SLC3A2: variants seen among roughly 807,000 people sequenced by gnomAD.
SLC3A2 encodes amino acid transporter heavy chain SLC3A2.
Under a neutral mutation model 48.5 loss-of-function variants are expected in SLC3A2, and 32 were observed. The ratio of observed to expected loss-of-function variants is 0.66; its 90% confidence interval spans 0.50 to 0.89. The LOEUF is 0.89. SLC3A2 is among the 40% of genes least tolerant of loss of function. The probability of loss-of-function intolerance (pLI) is 0.00; values close to 1 mark genes in which losing one functional copy is unlikely to be tolerated. For missense variants in SLC3A2, 587 were observed against 680.7 expected, an observed-to-expected ratio of 0.86 and a Z score of 1.53; for synonymous variants, 277 against 288.8, an observed-to-expected ratio of 0.96 and a Z score of 0.41.
chr11:62,872,319 G>A (rs2085526516), intron 1 of SLC3A2, among the ~76,000 whole-genome samples: 1 of 152,190 alleles, frequency 6.6e-6, no homozygotes, highest in South Asian at 2.1e-4. Flanking sequence ...TTCGAGACCA[G>A]CTTGGACAAC....
Position 62,888,122 on chromosome 11 carries a change from C to T in SLC3A2, c.1144-13C>T, listed in dbSNP as rs770090299. 2 of 1,611,568 alleles carry T rather than the reference C, an allele frequency of 1.2e-6. No individual in the cohort carries two copies. The highest frequency in any genetic ancestry group is 1.7e-6 in the Non-Finnish European group (2 of 1,178,592). On this transcript the variant is annotated splice_polypyrimidine_tract_variant and intron_variant, in intron 7 of 8. Coordinates refer to ENST00000338663, the MANE Select transcript of SLC3A2 (RefSeq NM_001013251.3). ...CCAGGCCTTTTTAAAGTCCTATTTTCTCTGCTTTTCAGCCTATGGAGGCTC... is the reference window on the plus strand; with the variant it reads ...CCAGGCCTTTTTAAAGTCCTATTTTTTCTGCTTTTCAGCCTATGGAGGCTC...
In SLC3A2 at chr11:62,885,054, C is replaced by T. The variant is rs1590636592; in HGVS notation, c.819-123C>T. 35 of 1,048,374 alleles carry T rather than the reference C, an allele frequency of 3.3e-5. No homozygotes were observed. The East Asian group carries it at 8.3e-4, about 25-fold the overall frequency. 64.9% of individuals were successfully genotyped at this position (1,048,374 alleles called of 1,614,324 possible). On this transcript the variant is annotated intron_variant, in intron 5 of 8. Coordinates refer to ENST00000338663, the MANE Select transcript of SLC3A2 (RefSeq NM_001013251.3). ...CCATGTTGGTCAAGCCAGTCTCGAA[C>T]TCCTGACCTCAAGTGATCCACCCGC...
chr11:62,888,277 T>C, intron 8 of SLC3A2, 54 bp from the exon 9 acceptor site: 1 of 1,609,816 alleles, frequency 6.2e-7, no homozygotes. Flanking sequence ...CTTGTAGAAG[T>C]CTGTACCCAG....
Position 62,881,819 on chromosome 11 carries a change from C to G in SLC3A2, c.425-74C>G, listed in dbSNP as rs1226396409. ...CCCCTCCCCGTCCCACCCTTAGGCG[C>G]TGGGAGAAGGGAGGGTGGGGAGGTC... On this transcript the variant is annotated intron_variant, in intron 1 of 8. Coordinates refer to ENST00000338663, the MANE Select transcript of SLC3A2 (RefSeq NM_001013251.3). This position sits in a 1 kb window ranked among gnomAD's most constrained non-coding sequence, Gnocchi z 4.0. The G allele has an allele frequency of 2.0e-6, 3 of 1,538,164 alleles. No homozygotes were observed. Among genetic ancestry groups the G allele is most frequent in the Non-Finnish European group, 2.7e-6 (3 of 1,127,458 alleles).
chr11:62,876,047 T>A (rs1050178918), upstream of SLC3A2, among the ~76,000 whole-genome samples: 1 of 152,204 alleles, frequency 6.6e-6, no homozygotes, highest in African/African-American at 2.4e-5. Context: ...TTAATTTTTG[T>A]AGAGATGGGG....
At position 62,881,580 on chromosome 11, in the gene SLC3A2, C is replaced by A; in HGVS notation, c.424+133C>A. 1 of 1,229,928 alleles carries A rather than the reference C, an allele frequency of 8.1e-7. No homozygotes were observed. Among genetic ancestry groups the A allele is most frequent in the Non-Finnish European group, 1.1e-6 (1 of 912,018 alleles). 76.2% of individuals were successfully genotyped at this position (1,229,928 alleles called of 1,614,324 possible). A position where few individuals can be genotyped will look rare whatever the true frequency, so the allele number is the denominator to read the frequency against. ...CGTACCGACGACTGTTCCCCCTTCC[C>A]CCACCCCCTCCCCGGCACATTGTCC... On this transcript the variant is annotated intron_variant, in intron 1 of 8. Transcript: ENST00000338663. The surrounding 1 kb of genome is among the most constrained non-coding windows in gnomAD (Gnocchi z 4.0).
At chr11:62,883,442 C>T (rs1238363895) in intron 3 of SLC3A2, 4 of 192,348 alleles carry the variant, frequency 2.1e-5, no homozygotes, top group Non-Finnish European at 4.4e-5. Flanking sequence ...TAGATGTTTT[C>T]TAATTCTCTG....
At chr11:62,862,784 A>C (rs1055010776) in intron 1 of SLC3A2, among the ~76,000 whole-genome samples, 3 of 152,104 alleles carry the variant, frequency 2.0e-5, no homozygotes, top group African/African-American at 7.2e-5. Flanking sequence ...GCTCTTAGAG[A>C]GGTCTGGAGA....
chr11:62,880,824 G>T, upstream of SLC3A2: 1 of 1,198,472 alleles, frequency 8.3e-7, no homozygotes, highest in Non-Finnish European at 1.1e-6. Flanking sequence ...CAGTCCCCGA[G>T]GTTCCACCTT....
At chr11:62,859,047 C>T (rs934250247) in intron 1 of SLC3A2, among the ~76,000 whole-genome samples, 1 of 152,190 alleles carries the variant, frequency 6.6e-6, no homozygotes, top group Non-Finnish European at 1.5e-5. Flanking sequence ...TACTAATCCT[C>T]CTCAGCACAG....
rs1394370409 is a variant in SLC3A2 at position 62,881,576 on chromosome 11, T to G, written c.424+129T>G. ...ATCCCGTACCGACGACTGTTCCCCC[T>G]TCCCCCACCCCCTCCCCGGCACATT... On this transcript the variant is annotated intron_variant, in intron 1 of 8. Coordinates refer to ENST00000338663, the MANE Select transcript of SLC3A2 (RefSeq NM_001013251.3). This position sits in a 1 kb window ranked among gnomAD's most constrained non-coding sequence, Gnocchi z 4.0. 7.8e-5 allele frequency: 91 copies of G among 1,160,606 alleles called. No homozygotes were observed. Among genetic ancestry groups the G allele is most frequent in the Non-Finnish European group, 9.6e-5 (83 of 865,240 alleles). 71.9% of individuals were successfully genotyped at this position (1,160,606 alleles called of 1,614,324 possible).
chr11:62,873,683 C>G (rs1168569204), intron 1 of SLC3A2, among the ~76,000 whole-genome samples: 7 of 152,144 alleles, frequency 4.6e-5, no homozygotes, highest in Non-Finnish European at 1.0e-4. Flanking sequence ...CTACGTGGCC[C>G]TGTCTGGTCT....
intron 1 of SLC3A2, among the ~76,000 whole-genome samples, chr11:62,863,493 A>G (rs1301636142): frequency 6.6e-6 from 1 of 152,212 alleles, no homozygotes; most frequent in East Asian, 1.9e-4. Context: ...ATGAGCCACT[A>G]TACCTGGCCC....
upstream of SLC3A2, among the ~76,000 whole-genome samples, chr11:62,878,469 A>C (rs1353977372): frequency 7.0e-6 from 1 of 142,578 alleles, no homozygotes; most frequent in Non-Finnish European, 1.5e-5. Context: ...ACAGATGATA[A>C]TTTTTTTTTT....
At chr11:62,878,800 A>T (rs2085597499), upstream of SLC3A2, among the ~76,000 whole-genome samples, 1 of 145,066 alleles carries the variant, frequency 6.9e-6, no homozygotes, top group East Asian at 2.0e-4. Context: ...TTTGAGACAG[A>T]GTCTCACTCT....
chr11:62,861,893 A>AG, intron 1 of SLC3A2, among the ~76,000 whole-genome samples: 1 of 148,592 alleles, frequency 6.7e-6, no homozygotes, highest in Non-Finnish European at 1.5e-5. Context: ...CCTGGCCAAC[A>AG]AGAGCAAAAC....
upstream of SLC3A2, among the ~76,000 whole-genome samples, chr11:62,875,954 C>T (rs2085566794): frequency 6.6e-6 from 1 of 152,200 alleles, no homozygotes; most frequent in African/African-American, 2.4e-5. Flanking sequence ...GCTGCCTCAA[C>T]CTGAGGGCTC....
intron 1 of SLC3A2, among the ~76,000 whole-genome samples, chr11:62,863,991 C>T (rs2085426796): frequency 6.6e-6 from 1 of 152,170 alleles, no homozygotes; most frequent in South Asian, 2.1e-4. Context: ...GCATCCTAGA[C>T]TTGATGCAGA....
intron 1 of SLC3A2, among the ~76,000 whole-genome samples, chr11:62,858,223 A>C (rs1232195213): frequency 6.6e-6 from 1 of 152,196 alleles, no homozygotes; most frequent in Non-Finnish European, 1.5e-5. Flanking sequence ...AGGGGTCTCC[A>C]ACTCACGTAC....
Sources: allele counts gnomAD v4.1 joint callset (sites outside exome capture counted in the v4.1 genomes callset), GRCh38; gene constraint gnomAD v4.1.1; non-coding constraint Gnocchi (gnomAD v3.1); transcripts MANE v1.5; gene names NCBI Gene and HGNC (gene_info 2026-07-23, HGNC 2026-07-21).